SCARA3: variants seen among roughly 807,000 people sequenced by gnomAD.
SCARA3 encodes scavenger receptor class A member 3.
SCARA3 carries 39 observed loss-of-function variants against 47.0 expected under a neutral mutation model. The ratio of observed to expected loss-of-function variants is 0.83; its 90% CI spans 0.64 to 1.08. The LOEUF (loss-of-function observed/expected upper bound fraction) is 1.08. SCARA3 is among the 50% of genes least tolerant of loss of function. The pLI is 0.00. For synonymous variants in SCARA3, 356 were observed against 334.1 expected (o/e 1.07, Z -0.71); for missense variants, 724 against 792.3 (o/e 0.91, Z 1.04).
At chr8:27,654,099 C>T (rs988267543) in intron 3 of SCARA3, among the ~76,000 whole-genome samples, 9 of 152,076 alleles carry the variant, frequency 5.9e-5, no homozygotes, top group Non-Finnish European at 8.8e-5. Flanking sequence ...GTAAAAAATT[C>T]ATTTAAAATG....
Position 27,671,714 on chromosome 8 carries a change from A to G in SCARA3, c.*363A>G, listed in dbSNP as rs1054155155. The G allele has an allele frequency of 9.4e-7, 1 of 1,060,664 alleles. No homozygotes were observed. The highest frequency in any genetic ancestry group is 4.5e-5 in the South Asian group (1 of 22,200). 65.7% of individuals were successfully genotyped at this position (1,060,664 alleles called of 1,614,324 possible). On this transcript the variant is annotated 3_prime_UTR_variant, in exon 6 of 6. Coordinates refer to ENST00000301904, the MANE Select transcript of SCARA3 (RefSeq NM_016240.3). ...CATACACAGGCACACATGCATGCACACATACACATGCACACACACATGCAC... is the reference window on the plus strand; with the variant it reads ...CATACACAGGCACACATGCATGCACGCATACACATGCACACACACATGCAC...
the SCARA3 span, among the ~76,000 whole-genome samples, chr8:27,725,540 A>AAG: frequency 5.3e-5 from 8 of 151,902 alleles, no homozygotes; most frequent in African/African-American, 1.9e-4. Flanking sequence ...AAAAAAAAAA[A>AAG]AACCAGAATA....
chr8:27,676,875 A>G (rs1802285876), downstream of SCARA3: 1 of 252,560 alleles, frequency 4.0e-6, no homozygotes, highest in Non-Finnish European at 7.5e-6. Context: ...CTTCTGATAA[A>G]ACACAGCTCC....
chr8:27,690,871 G>A, the SCARA3 span, among the ~76,000 whole-genome samples: 7 of 152,106 alleles, frequency 4.6e-5, no homozygotes, highest in African/African-American at 1.7e-4. Context: ...TTTTTGGAGA[G>A]GAGGTCTCTG....
At chr8:27,695,224 T>C in the SCARA3 span, among the ~76,000 whole-genome samples, 1 of 152,152 alleles carries the variant, frequency 6.6e-6, no homozygotes, top group Admixed American at 6.5e-5. Flanking sequence ...AGATCCACCC[T>C]AAAAAGAAAC....
the SCARA3 span, among the ~76,000 whole-genome samples, chr8:27,725,837 G>A: frequency 5.3e-5 from 8 of 152,188 alleles, no homozygotes; most frequent in South Asian, 2.1e-4. Flanking sequence ...CTGCTGTCTC[G>A]TTGGATCACA....
rs536427048 is a variant in SCARA3 at position 27,670,748 on chromosome 8, G to A, written c.1370-152G>A. The stretch of plus-strand genomic sequence containing the variant: ...CTTGTTCCCTAACCTCAGTGTGTGT[G>A]TGGAGCTATCGGCAAGCCTTGCAGT... On this transcript the variant is annotated intron_variant, in intron 5 of 5. Coordinates refer to ENST00000301904, the MANE Select transcript of SCARA3 (RefSeq NM_016240.3). 4.1e-5 allele frequency: 25 copies of A among 609,382 alleles called. No homozygotes were observed. The South Asian group carries it at 5.5e-4, about 13-fold the overall frequency. The allele number at this position is 609,382 out of a possible 1,614,324, so 37.7% of individuals were successfully genotyped here.
the SCARA3 span, among the ~76,000 whole-genome samples, chr8:27,694,704 G>T: frequency 6.6e-6 from 1 of 152,114 alleles, no homozygotes; most frequent in Non-Finnish European, 1.5e-5. Flanking sequence ...GTATGTACAG[G>T]TGGTTTATGA....
intron 5 of SCARA3, among the ~76,000 whole-genome samples, chr8:27,663,182 G>T (rs571666342): frequency 1.3e-5 from 2 of 152,334 alleles, no homozygotes; most frequent in East Asian, 3.9e-4. Flanking sequence ...ACAGCCCAAA[G>T]ATCTACCCAC....
chr8:27,657,357 G>T (rs1801764202), intron 4 of SCARA3, among the ~76,000 whole-genome samples: 1 of 150,568 alleles, frequency 6.6e-6, no homozygotes, highest in Non-Finnish European at 1.5e-5. Context: ...CACATGTGCA[G>T]GTTTGTTACT....
rs1168926228 is a variant in SCARA3, at chr8:27,654,791, A to C, written c.227-1991A>C. 5.5e-5 allele frequency among the ~76,000 whole-genome samples: 7 copies of C among 127,808 alleles called. No individual in the cohort carries two copies. In the Admixed American group the frequency reaches 5.8e-4, roughly 11 times the overall value. The allele number at this position is 127,808 out of a possible 152,430, so 83.8% of individuals were successfully genotyped here. Reference sequence around the variant, plus strand: ...GGTGACAGAGCAAGACTGTCTCACAAAAAAAAAAAAAGAAAAAGAAAAAAA... The same window carrying C: ...GGTGACAGAGCAAGACTGTCTCACACAAAAAAAAAAAGAAAAAGAAAAAAA... On this transcript the variant is annotated intron_variant, in intron 3 of 5. Transcript: ENST00000301904.
At chr8:27,683,095 C>G in the SCARA3 span, among the ~76,000 whole-genome samples, 14 of 152,102 alleles carry the variant, frequency 9.2e-5, no homozygotes, top group African/African-American at 3.4e-4. Flanking sequence ...GGCATACCCA[C>G]AGTCAAAAGG....
the SCARA3 span, among the ~76,000 whole-genome samples, chr8:27,695,004 G>A: frequency 6.6e-6 from 1 of 152,170 alleles, no homozygotes; most frequent in African/African-American, 2.4e-5. Context: ...CACAAGGTAA[G>A]ATCGTGTAGG....
the SCARA3 span, among the ~76,000 whole-genome samples, chr8:27,716,982 G>A: frequency 9.9e-5 from 15 of 152,138 alleles, no homozygotes; most frequent in African/African-American, 3.4e-4. Context: ...GGGTCTAATC[G>A]CCAGAAAATA....
the SCARA3 span, among the ~76,000 whole-genome samples, chr8:27,712,573 A>AAG: frequency 6.6e-6 from 1 of 151,476 alleles, no homozygotes; most frequent in African/African-American, 2.4e-5. Context: ...AAAAAAAAAA[A>AAG]AAAAAAAAGA....
At chr8:27,684,092 A>G in the SCARA3 span, among the ~76,000 whole-genome samples, 3 of 152,228 alleles carry the variant, frequency 2.0e-5, no homozygotes, top group African/African-American at 7.2e-5. Flanking sequence ...TTTTGCTGTC[A>G]TGAAAATGGT....
the SCARA3 span, among the ~76,000 whole-genome samples, chr8:27,720,182 G>T: frequency 1.4e-5 from 2 of 146,202 alleles, no homozygotes; most frequent in Admixed American, 6.9e-5. Flanking sequence ...GGTGAGGAAG[G>T]ATACCTCACC....
At chr8:27,670,801 C>T in intron 5 of SCARA3, 99 bp from the exon 6 acceptor site, 4 of 963,122 alleles carry the variant, frequency 4.2e-6, no homozygotes, top group Non-Finnish European at 6.2e-6. Context: ...TGGACTTGTT[C>T]AACCCTCGGG....
the SCARA3 span, among the ~76,000 whole-genome samples, chr8:27,698,641 T>C: frequency 1.2e-4 from 18 of 152,162 alleles, no homozygotes; most frequent in Non-Finnish European, 2.4e-4. Context: ...AAATGGCAAT[T>C]ATTAAAAAGT....
Sources: allele counts gnomAD v4.1 joint callset (sites outside exome capture counted in the v4.1 genomes callset), GRCh38; gene constraint gnomAD v4.1.1; transcripts MANE v1.5; gene names NCBI Gene and HGNC (gene_info 2026-07-23, HGNC 2026-07-21).